DNAH9: variants seen among roughly 807,000 people sequenced by gnomAD.
The protein encoded by DNAH9 is dynein axonemal heavy chain 9.
DNAH9 carries 345 observed loss-of-function variants against 471.6 expected under a neutral mutation model. The observed-to-expected ratio is 0.73, with a 90% confidence interval of 0.67 to 0.80. The LOEUF (loss-of-function observed/expected upper bound fraction) is 0.80. Ranked by LOEUF, DNAH9 falls within the 30% of genes least tolerant of loss-of-function variation. The probability of loss-of-function intolerance (pLI) is 0.00; values close to 1 mark genes in which losing one functional copy is unlikely to be tolerated. For missense variants in DNAH9, 5,407 were observed against 5,609.2 expected (o/e 0.96, Z 1.15); for synonymous variants, 2,093 against 2,123.6 (o/e 0.99, Z 0.40).
In DNAH9 at chr17:11,875,156, C is replaced by A. The variant is rs1199826959; in HGVS notation, c.10450C>A (p.Leu3484Ile). 6.2e-7 allele frequency: 1 copy of A among 1,613,962 alleles called. No individual in the cohort carries two copies. The highest frequency in any genetic ancestry group is 1.7e-5 in the Admixed American group (1 of 59,996). Residue 3484 changes from leucine (L) to isoleucine (I), a missense_variant, in exon 53 of 69, where the codon CTC (leucine) becomes ATC (isoleucine). Physicochemically the swap from Leu to Ile is conservative, Grantham distance 5. This residue lies in a region of DNAH9 where 4,636 missense variants were observed against 4,900.3 expected (regional missense o/e 0.95). Coordinates refer to ENST00000262442, the MANE Select transcript of DNAH9 (RefSeq NM_001372.4). Reference sequence around the variant, plus strand: ...GATCAAGAATAAATATGGTGAAGATCTCCGGGTCACGCAGATTGGTCAGAA... The same window carrying A: ...GATCAAGAATAAATATGGTGAAGATATCCGGGTCACGCAGATTGGTCAGAA... ...KWIKNKYGED[L>I]RVTQIGQKGY...
chr17:11,768,900 G>A (rs1968082569), intron 37 of DNAH9, among the ~76,000 whole-genome samples: 1 of 152,146 alleles, frequency 6.6e-6, no homozygotes, highest in African/African-American at 2.4e-5. Context: ...CCGGGTGGTA[G>A]AGGAGAGCGG....
At chr17:11,718,054 G>GTGTGTT in intron 26 of DNAH9, among the ~76,000 whole-genome samples, 1 of 151,688 alleles carries the variant, frequency 6.6e-6, no homozygotes, top group Admixed American at 6.6e-5. Flanking sequence ...GTGTGTGTGT[G>GTGTGTT]TGTGTAGATA....
intron 9 of DNAH9, 25 bp from the exon 10 acceptor site, chr17:11,640,245 C>A: frequency 6.8e-7 from 1 of 1,467,168 alleles, no homozygotes; most frequent in Non-Finnish European, 9.5e-7. Context: ...AGACTCATTT[C>A]GGTCTGTCTG....
intron 53 of DNAH9, 97 bp from the exon 54 acceptor site, chr17:11,879,981 C>A: frequency 2.1e-6 from 3 of 1,424,816 alleles, no homozygotes; most frequent in African/African-American, 2.8e-5. Flanking sequence ...TCCAACTATA[C>A]CACCATGTCT....
At position 11,604,271 on chromosome 17, in the gene DNAH9, C is replaced by T. The variant is rs150481402; in HGVS notation, c.418-3858C>T. On this transcript the variant is annotated intron_variant, in intron 1 of 68. Coordinates refer to ENST00000262442, the MANE Select transcript of DNAH9 (RefSeq NM_001372.4). ...ACTCCTGACCTCGTGATCTGCCCAC[C>T]TTGGCTTCACAAAGTGTTGGGATTA... Among the ~76,000 whole-genome samples, 782 of 152,224 alleles carry T rather than the reference C, an allele frequency of 5.1e-3. 10 individuals are homozygous for T. Among genetic ancestry groups the T allele is most frequent in the African/African-American group, 0.018 (739 of 41,524 alleles).
rs1372863651 is a variant in DNAH9 at position 11,652,751 on chromosome 17, T to G, written c.2354-10T>G. On this transcript the variant is annotated splice_polypyrimidine_tract_variant and intron_variant, in intron 13 of 68. Coordinates refer to ENST00000262442, the MANE Select transcript of DNAH9 (RefSeq NM_001372.4). ...CTATTTCAATTAATTATGTTTCTTT[T>G]GGGGAACAGGCATTTGCGATTATGT... The G allele has an allele frequency of 1.9e-6, 3 of 1,610,746 alleles. No homozygotes were observed. The highest frequency in any genetic ancestry group is 2.5e-6 in the Non-Finnish European group (3 of 1,178,576).
At chr17:11,934,538 C>T (rs572637730) in intron 65 of DNAH9, among the ~76,000 whole-genome samples, 70 of 150,704 alleles carry the variant, frequency 4.6e-4, no homozygotes, top group Non-Finnish European at 7.1e-4. Flanking sequence ...CTCCGCCTCC[C>T]GGGTTCACGC....
chr17:11,620,372 G>T (rs1032613135), intron 6 of DNAH9, among the ~76,000 whole-genome samples: 5 of 151,432 alleles, frequency 3.3e-5, no homozygotes, highest in Non-Finnish European at 7.4e-5. Flanking sequence ...AATTAGCCAG[G>T]TGTGGTGGCA....
At chr17:11,923,073 TTTTTG>T (rs1429138005) in intron 61 of DNAH9, among the ~76,000 whole-genome samples, 1 of 99,890 alleles carries the variant, frequency 1.0e-5, no homozygotes, top group Non-Finnish European at 2.1e-5. Flanking sequence ...TTTGTTTTGG[TTTTTG>T]TTTTGTTTTG....
In DNAH9 at chr17:11,744,802, C is replaced by G. The variant is rs1399205019; in HGVS notation, c.6117C>G (p.His2039Gln). ...TGATCTAACACTGCCCACAGGATCACTACGACTGGGGCCTACGGGCCATCA... is the reference window on the plus strand; with the variant it reads ...TGATCTAACACTGCCCACAGGATCAGTACGACTGGGGCCTACGGGCCATCA... ...LCKELLSKQDHYDWGLRAIKS... is the reference protein window; with the variant it reads ...LCKELLSKQDQYDWGLRAIKS... The change falls in exon 31 of 69, where the codon CAC becomes CAG. Residue 2039 changes from histidine to glutamine, a missense_variant. His to Gln is a conservative substitution (Grantham distance 24). This residue lies in a region of DNAH9 where 4,636 missense variants were observed against 4,900.3 expected (regional missense o/e 0.95). Transcript: ENST00000262442. 4 of 1,611,548 alleles carry G rather than the reference C, an allele frequency of 2.5e-6. No homozygotes were observed. The highest frequency in any genetic ancestry group is 2.5e-6 in the Non-Finnish European group (3 of 1,178,276).
rs1434017217 is a variant in DNAH9 at position 11,632,664 on chromosome 17, A to C, written c.1596A>C (p.Gln532His). 1 of 1,610,396 alleles carries C rather than the reference A, an allele frequency of 6.2e-7. No homozygotes were observed. The highest frequency in any genetic ancestry group is 1.1e-5 in the South Asian group (1 of 91,020). ...GAAGATTGGGGACTATCTTTATTCA[A>C]GCTTTTGATGATGCACCTGGCTTGG... ...LDRRLGTIFI[Q>H]AFDDAPGLEH... Residue 532 changes from glutamine (Q) to histidine (H), a missense_variant, in exon 8 of 69, where the codon CAA becomes CAC. By Grantham distance (24) the Gln-to-His change is conservative (BLOSUM62 0). Transcript: ENST00000262442.
chr17:11,631,269 T>A (rs2073060199), intron 7 of DNAH9, among the ~76,000 whole-genome samples: 1 of 152,054 alleles, frequency 6.6e-6, no homozygotes, highest in Non-Finnish European at 1.5e-5. Context: ...AATGGCAGAA[T>A]TACTGGAGAA....
intron 67 of DNAH9, among the ~76,000 whole-genome samples, chr17:11,945,927 G>A (rs565904060): frequency 6.6e-6 from 1 of 151,948 alleles, no homozygotes; most frequent in African/African-American, 2.4e-5. Flanking sequence ...GCCGGGCGTA[G>A]TGGTGGGCAC....
chr17:11,714,106 T>C (rs957237095), intron 26 of DNAH9, among the ~76,000 whole-genome samples: 5 of 152,212 alleles, frequency 3.3e-5, no homozygotes, highest in Non-Finnish European at 5.9e-5. Flanking sequence ...AAAGTTTAAA[T>C]ATTAAAGCGT....
chr17:11,606,040 T>C (rs1466332826), intron 1 of DNAH9, among the ~76,000 whole-genome samples: 2 of 152,204 alleles, frequency 1.3e-5, no homozygotes, highest in Non-Finnish European at 2.9e-5. Flanking sequence ...TTCATCCTCT[T>C]TCCCGGTTAG....
At chr17:11,766,690 T>A (rs147910551) in intron 36 of DNAH9, among the ~76,000 whole-genome samples, 20 of 152,174 alleles carry the variant, frequency 1.3e-4, no homozygotes, top group African/African-American at 4.8e-4. Context: ...TTGGGCTGGG[T>A]GCGGTGGCTC....
chr17:11,692,580 A>G (rs1017581096), intron 20 of DNAH9, among the ~76,000 whole-genome samples: 1 of 152,168 alleles, frequency 6.6e-6, no homozygotes, highest in Non-Finnish European at 1.5e-5. Context: ...CTTACGAATC[A>G]AGTGTTGTAT....
At chr17:11,801,794 G>A (rs1969472056) in intron 43 of DNAH9, among the ~76,000 whole-genome samples, 1 of 152,104 alleles carries the variant, frequency 6.6e-6, no homozygotes, top group Non-Finnish European at 1.5e-5. Flanking sequence ...ATTGAGGCAA[G>A]TCTTTGTCCT....
At position 11,690,371 on chromosome 17, in the gene DNAH9, C is replaced by T. The variant is rs144649934; in HGVS notation, c.4549C>T (p.Arg1517Ter). 28 of 1,613,962 alleles carry T rather than the reference C, an allele frequency of 1.7e-5. No individual in the cohort carries two copies. The highest frequency in any genetic ancestry group is 1.6e-4 in the Middle Eastern group (1 of 6,084). The stretch of plus-strand genomic sequence containing the variant: ...CATCTCTATCTGGTTTGAAGTGCAG[C>T]GAACATGGACTCACCTGGAAAGCAT... ...AVISIWFEVQ[R>*]TWTHLESIFT... Residue 1517 changes from arginine to a stop codon, truncating the protein, a stop_gained, in exon 20 of 69, where the codon CGA becomes TGA. Coordinates refer to ENST00000262442, the MANE Select transcript of DNAH9 (RefSeq NM_001372.4). LOFTEE classifies it high-confidence loss of function.
Sources: allele counts gnomAD v4.1 joint callset (sites outside exome capture counted in the v4.1 genomes callset), GRCh38; gene constraint gnomAD v4.1.1; regional missense constraint gnomAD v4.1.1; transcripts MANE v1.5; gene names NCBI Gene and HGNC (gene_info 2026-07-23, HGNC 2026-07-21).